Variants in PROSER1 observed in about 807,000 individuals in gnomAD.
PROSER1 encodes proline and serine-rich protein 1.
PROSER1 carries 36 observed loss-of-function variants against 71.8 expected under a neutral mutation model. The observed-to-expected ratio is 0.50, with a 90% CI of 0.38 to 0.66. PROSER1 has a LOEUF of 0.66. Among genes scored for constraint, PROSER1 ranks in the 30% least tolerant of loss-of-function variants. The pLI is 0.00. For synonymous variants in PROSER1, 490 were observed against 452.4 expected (o/e 1.08, Z -1.06); for missense variants, 1,107 against 1,135.0 (o/e 0.98, Z 0.35).
intron 10 of PROSER1, 121 bp from the exon 11 acceptor site, chr13:39,014,597 T>A: frequency 1.4e-6 from 1 of 723,134 alleles, no homozygotes; most frequent in South Asian, 1.9e-5. Flanking sequence ...ATGACAAGTA[T>A]AACAGGCTCT....
rs561187261 is a variant in PROSER1, at chr13:39,014,075, T to C, written c.1177A>G (p.Ser393Gly). 6.2e-7 allele frequency: 1 copy of C among 1,614,054 alleles called. No homozygotes were observed. The highest frequency in any genetic ancestry group is 8.5e-7 in the Non-Finnish European group (1 of 1,180,032). ...GPTPRSTLGS[S>G]EAFASTSAPF... ...GCAGAAGTAGAAGCAAATGCTTCAC[T>C]GGAACCAAGAGTGGACCGTGGTGTA... The change falls in exon 11 of 13, where the codon AGT (serine) becomes GGT (glycine). Residue 393 changes from serine (S) to glycine (G), a missense_variant. By Grantham distance (56) the Ser-to-Gly change is moderately conservative (BLOSUM62 0). Transcript: ENST00000352251.
intron 10 of PROSER1, 127 bp from the exon 11 acceptor site, chr13:39,014,603 G>T (rs967914505): frequency 1.4e-6 from 1 of 705,664 alleles, no homozygotes; most frequent in East Asian, 2.7e-5. Flanking sequence ...AGTATAACAG[G>T]CTCTTGTAAT....
Position 39,021,941 on chromosome 13 carries a change from T to C in PROSER1, c.730+385A>G, listed in dbSNP as rs545977898. 5.3e-5 allele frequency among the ~76,000 whole-genome samples: 8 copies of C among 152,312 alleles called. No individual in the cohort carries two copies. The East Asian group carries it at 1.2e-3, about 22-fold the overall frequency. On this transcript the variant is annotated intron_variant, in intron 9 of 12. Coordinates refer to ENST00000352251, the MANE Select transcript of PROSER1 (RefSeq NM_025138.5). ...AAATTAAACTATAAAAAATGTGCAA[T>C]TGAGAACCAATAATGTAGAATATAT...
rs200686513 is a variant in PROSER1, at chr13:39,013,857, G to A, written c.1395C>T (p.Asn465=). Residue 465 remains asparagine, a synonymous_variant, in exon 11 of 13, where the codon AAC becomes AAT. Transcript: ENST00000352251. ...TPSVAGPLGV[N]SPLLSALKGF... ...CTTTTAACGCAGACAAAAGAGGACT[G>A]TTCACACCAAGTGGACCGGCAACGC... is the stretch of plus-strand genomic sequence containing the variant. 2.5e-5 allele frequency: 40 copies of A among 1,614,104 alleles called. No individual in the cohort carries two copies. The highest frequency in any genetic ancestry group is 9.3e-5 in the African/African-American group (7 of 74,948).
rs1444387828 is a variant in PROSER1, at chr13:39,013,773, G to A, written c.1479C>T (p.Val493=). 1 of 1,614,078 alleles carries A rather than the reference G, an allele frequency of 6.2e-7. No homozygotes were observed. The highest frequency in any genetic ancestry group is 1.3e-5 in the African/African-American group (1 of 74,934). Residue 493 remains valine (V), a synonymous_variant, in exon 11 of 13, where the codon GTC becomes GTT. Coordinates refer to ENST00000352251, the MANE Select transcript of PROSER1 (RefSeq NM_025138.5). ...AAGATAGTGAAGCCAGCCCACTTGT[G>A]ACAGCAGAGGATAAAGCAGAGGAGT... ...LINSSALSSA[V]TSGLASLSSL...
rs754440952 is a variant in PROSER1 at position 39,037,243 on chromosome 13, C to T, written c.-1G>A. 8 of 1,608,816 alleles carry T rather than the reference C, an allele frequency of 5.0e-6. No individual in the cohort carries two copies. Among genetic ancestry groups the T allele is most frequent in the Non-Finnish European group, 6.8e-6 (8 of 1,175,184 alleles). On this transcript the variant is annotated 5_prime_UTR_variant, in exon 1 of 13. Transcript: ENST00000352251. ...CCATTTCAAAGGACTTTTTATCCAT[C>T]TTGACTACTATCCCGACGTGGTTTT...
intron 2 of PROSER1, 65 bp from the exon 3 acceptor site, chr13:39,031,696 T>G (rs781661957): frequency 1.0e-4 from 148 of 1,412,182 alleles, no homozygotes; most frequent in Middle Eastern, 1.8e-4. Flanking sequence ...AAGATTTCAG[T>G]ACTTGAAATT....
At chr13:39,027,748 ACAAAT>A (rs571328203) in intron 5 of PROSER1, among the ~76,000 whole-genome samples, 112 of 152,312 alleles carry the variant, frequency 7.4e-4, no homozygotes, top group Non-Finnish European at 1.4e-3. Context: ...ACCTTAGATG[ACAAAT>A]CAAGTTTTCT....
chr13:39,031,912 T>C (rs561580633), intron 2 of PROSER1, among the ~76,000 whole-genome samples: 1 of 152,148 alleles, frequency 6.6e-6, no homozygotes, highest in East Asian at 1.9e-4. Context: ...TAATGCACAC[T>C]GCAGATAGAG....
At chr13:39,031,119 T>C (rs2138132312) in intron 3 of PROSER1, among the ~76,000 whole-genome samples, 1 of 152,306 alleles carries the variant, frequency 6.6e-6, no homozygotes, top group South Asian at 2.1e-4. Flanking sequence ...TTGAACTAAT[T>C]ACAATTAAAT....
Position 39,013,685 on chromosome 13 carries a change from C to T in PROSER1, c.1567G>A (p.Ala523Thr). The change falls in exon 11 of 13, where the codon GCC becomes ACC. Residue 523 changes from alanine to threonine, a missense_variant. Coordinates refer to ENST00000352251, the MANE Select transcript of PROSER1 (RefSeq NM_025138.5). ...GAAGTCCTCTGTGGGGTAGGGATGG[C>T]TGATGGGGCATAGCACTTGTTAGGG... ...SAPNKCYAPSAIPTPQRTSTP... is the reference protein window; with the variant it reads ...SAPNKCYAPSTIPTPQRTSTP... The T allele has an allele frequency of 6.2e-7, 1 of 1,614,090 alleles. No homozygotes were observed. The highest frequency in any genetic ancestry group is 8.5e-7 in the Non-Finnish European group (1 of 1,180,006).
intron 9 of PROSER1, among the ~76,000 whole-genome samples, chr13:39,021,860 C>T (rs574316303): frequency 2.6e-5 from 4 of 152,276 alleles, no homozygotes; most frequent in South Asian, 4.1e-4. Flanking sequence ...ATCATTCCAA[C>T]GCATCTCTTT....
At chr13:39,024,410 G>C in intron 7 of PROSER1, 63 bp downstream of exon 7, 2 of 1,196,718 alleles carry the variant, frequency 1.7e-6, no homozygotes, top group Non-Finnish European at 2.4e-6. Context: ...TTTATGCTTT[G>C]AGTAAAAAGG....
At chr13:39,026,766 T>C (rs1870564617) in intron 5 of PROSER1, among the ~76,000 whole-genome samples, 1 of 152,260 alleles carries the variant, frequency 6.6e-6, no homozygotes, top group East Asian at 1.9e-4. Context: ...GACACAGAGA[T>C]GGAAGAAACA....
chr13:39,012,012 C>T lies in PROSER1; in HGVS notation c.2712+71G>A. ...CAATGTTGGGATATCGCAAATGATA[C>T]TGCAATGTTATCACTACAGAAGTTA... On this transcript the variant is annotated intron_variant, in intron 12 of 12. Coordinates refer to ENST00000352251, the MANE Select transcript of PROSER1 (RefSeq NM_025138.5). 8 of 1,445,088 alleles carry T rather than the reference C, an allele frequency of 5.5e-6. No homozygotes were observed. In the South Asian group the frequency reaches 9.9e-5, roughly 18 times the overall value. 89.5% of individuals were successfully genotyped at this position (1,445,088 alleles called of 1,614,324 possible).
intron 4 of PROSER1, chr13:39,029,040 C>T (rs1023799929): frequency 2.6e-5 from 8 of 303,340 alleles, no homozygotes; most frequent in Non-Finnish European, 4.8e-5. Context: ...GAAGGCAAAG[C>T]AAATAACTGA....
intron 5 of PROSER1, among the ~76,000 whole-genome samples, chr13:39,026,883 C>A (rs1159852495): frequency 2.0e-5 from 3 of 152,076 alleles, no homozygotes; most frequent in Non-Finnish European, 4.4e-5. Context: ...AGACAATGTT[C>A]AACATACTAT....
chr13:39,019,122 A>G (rs567879231), intron 9 of PROSER1, among the ~76,000 whole-genome samples: 2 of 152,316 alleles, frequency 1.3e-5, no homozygotes, highest in South Asian at 2.1e-4. Context: ...AGAAACAGTA[A>G]CAAGTCATGA....
rs1428856225 is a variant in PROSER1, at chr13:39,011,411, G to A, written c.2789C>T (p.Thr930Ile). 1 of 1,614,162 alleles carries A rather than the reference G, an allele frequency of 6.2e-7. No individual in the cohort carries two copies. The highest frequency in any genetic ancestry group is 1.1e-5 in the South Asian group (1 of 91,088). ...CAGGCTTGGTTGCAAAGAAAATGGT[G>A]TTCCTGGCGCTGAAGGATAACTAGG... The part of the protein sequence containing the change: ...GFPSYPSAPG[T>I]PFSLQPSLSQ... Residue 930 changes from threonine to isoleucine, a missense_variant, in exon 13 of 13, where the codon ACA (threonine) becomes ATA (isoleucine). Thr to Ile is a moderately conservative substitution (Grantham distance 89, BLOSUM62 -1). Transcript: ENST00000352251.
Sources: allele counts gnomAD v4.1 joint callset (sites outside exome capture counted in the v4.1 genomes callset), GRCh38; gene constraint gnomAD v4.1.1; transcripts MANE v1.5; gene names NCBI Gene and HGNC (gene_info 2026-07-23, HGNC 2026-07-21).